The following GPC3 variants were observed in gnomAD, a reference collection of about 807,000 sequenced individuals.
GPC3 encodes glypican 3.
GPC3 carries 3 observed loss-of-function variants against 34.4 expected under a neutral mutation model. The observed-to-expected ratio is 0.09, with a 90% CI of 0.04 to 0.23. The LOEUF (loss-of-function observed/expected upper bound fraction) is 0.23. Ranked by LOEUF, GPC3 falls within the 10% of genes least tolerant of loss-of-function variation. The pLI, the probability that GPC3 is intolerant of heterozygous loss-of-function variation, is 1.00. For synonymous variants in GPC3, 177 were observed against 174.0 expected (o/e 1.02, Z -0.13); for missense variants, 351 against 445.6 (o/e 0.79, Z 1.91).
intron 7 of GPC3, among the ~76,000 whole-genome samples, chrX:133,583,519 C>A (rs7892487): frequency 9.0e-6 from 1 of 111,298 alleles, no homozygotes; most frequent in Non-Finnish European, 1.9e-5. Flanking sequence ...TGTGTGCCAC[C>A]ATGCCTGGCT....
At chrX:133,795,777 C>T (rs2075575567) in intron 2 of GPC3, among the ~76,000 whole-genome samples, 2 of 105,086 alleles carry the variant, frequency 1.9e-5, no homozygotes, top group Non-Finnish European at 4.1e-5. Context: ...TGGACTGGCC[C>T]TCTCATAAGA....
At chrX:133,752,080 C>G (rs931289580) in intron 3 of GPC3, among the ~76,000 whole-genome samples, 2 of 110,127 alleles carry the variant, frequency 1.8e-5, no homozygotes, top group Non-Finnish European at 3.8e-5. Context: ...GTTGCCCAGA[C>G]TGGTCTTGAA....
chrX:133,649,160 T>TG (rs906573168), intron 6 of GPC3, among the ~76,000 whole-genome samples: 2 of 110,597 alleles, frequency 1.8e-5, no homozygotes, highest in Non-Finnish European at 3.8e-5. Flanking sequence ...AGTGTGTAGG[T>TG]GGGGGGGATT....
chrX:133,668,203 G>A (rs1056792098), intron 5 of GPC3, among the ~76,000 whole-genome samples: 2 of 111,136 alleles, frequency 1.8e-5, no homozygotes, highest in Admixed American at 9.5e-5. Context: ...CACCATGCCC[G>A]GCCCTATTTT....
In GPC3 at chrX:133,843,813, A is replaced by G. The variant is rs1376636875; in HGVS notation, c.338-89637T>C. ...AATCTGGAAAGTTTCTGTGGCAACT[A>G]TGTAACTATGCATTTCGTGATACAA... On this transcript the variant is annotated intron_variant, in intron 2 of 7. Coordinates refer to ENST00000370818, the MANE Select transcript of GPC3 (RefSeq NM_004484.4). Among the ~76,000 whole-genome samples the G allele has an allele frequency of 4.5e-5, 5 of 112,356 alleles. 1 individual carries two copies. The South Asian group carries it at 1.1e-3, about 25-fold the overall frequency.
chrX:133,608,104 C>T (rs900761784), intron 6 of GPC3, among the ~76,000 whole-genome samples: 2 of 112,472 alleles, frequency 1.8e-5, no homozygotes, highest in Non-Finnish European at 3.8e-5. Flanking sequence ...AAAGGCTGGA[C>T]CTGAGATTGG....
chrX:133,686,235 G>A (rs769503353), intron 5 of GPC3, among the ~76,000 whole-genome samples: 1 of 111,407 alleles, frequency 9.0e-6, no homozygotes, highest in African/African-American at 3.3e-5. Context: ...TCTGGTGATA[G>A]GCTAGCATTT....
At chrX:133,864,403 G>A (rs2075956983) in intron 2 of GPC3, among the ~76,000 whole-genome samples, 1 of 111,568 alleles carries the variant, frequency 9.0e-6, no homozygotes, top group African/African-American at 3.3e-5. Context: ...TTCCTGGAAG[G>A]CTCACATTAA....
At chrX:133,772,027 A>T (rs1368573914) in intron 2 of GPC3, among the ~76,000 whole-genome samples, 3 of 111,447 alleles carry the variant, frequency 2.7e-5, no homozygotes, top group Non-Finnish European at 5.6e-5. Flanking sequence ...AAATTCCAAT[A>T]TCCCTCTTTT....
chrX:133,630,765 A>C (rs1205777152), intron 6 of GPC3, among the ~76,000 whole-genome samples: 1 of 112,003 alleles, frequency 8.9e-6, no homozygotes, highest in Non-Finnish European at 1.9e-5. Context: ...ATCTCTAGAG[A>C]CACATTCCTT....
intron 2 of GPC3, among the ~76,000 whole-genome samples, chrX:133,795,990 G>C (rs2075578110): frequency 1.1e-5 from 1 of 93,043 alleles, no homozygotes; most frequent in Non-Finnish European, 2.1e-5. Context: ...TTGTCCCCCA[G>C]GCTGGAGTGC....
intron 2 of GPC3, among the ~76,000 whole-genome samples, chrX:133,888,261 T>C (rs1449593209): frequency 9.0e-6 from 1 of 111,705 alleles, no homozygotes; most frequent in Non-Finnish European, 1.9e-5. Context: ...ACTCATCCTT[T>C]ATTATGGCTG....
At chrX:133,555,743 G>A (rs373108419) in intron 7 of GPC3, among the ~76,000 whole-genome samples, 8 of 109,462 alleles carry the variant, frequency 7.3e-5, no homozygotes, top group African/African-American at 6.7e-5. Flanking sequence ...CAGGAGAATC[G>A]CTTGAACCTG....
chrX:133,804,858 A>C (rs2124522391), intron 2 of GPC3, among the ~76,000 whole-genome samples: 1 of 111,828 alleles, frequency 8.9e-6, no homozygotes, highest in Non-Finnish European at 1.9e-5. Flanking sequence ...TAGTAAAAAT[A>C]AATAAAAGTA....
chrX:133,723,402 A>T (rs1307501049), intron 3 of GPC3, among the ~76,000 whole-genome samples: 1 of 111,700 alleles, frequency 9.0e-6, no homozygotes, highest in African/African-American at 3.3e-5. Flanking sequence ...CCCAAACTAA[A>T]TGTATTTTAA....
At chrX:133,762,605 G>GA (rs973603003) in intron 2 of GPC3, among the ~76,000 whole-genome samples, 8 of 110,656 alleles carry the variant, frequency 7.2e-5, no homozygotes, top group Admixed American at 9.6e-5. Context: ...ACAAACATAC[G>GA]AAAAAAAATG....
At chrX:133,711,080 C>T (rs949122479) in intron 3 of GPC3, among the ~76,000 whole-genome samples, 3 of 111,903 alleles carry the variant, frequency 2.7e-5, no homozygotes, top group African/African-American at 9.8e-5. Flanking sequence ...ATTGCTCAAG[C>T]CAGAAGAAAC....
chrX:133,853,350 C>A (rs1203715610), intron 2 of GPC3, among the ~76,000 whole-genome samples: 1 of 112,079 alleles, frequency 8.9e-6, no homozygotes, highest in African/African-American at 3.2e-5. Context: ...TTTCCCTAAT[C>A]TGCTCTGTTT....
At chrX:133,981,298 C>CGAAGGGA (rs2076537659) in intron 1 of GPC3, among the ~76,000 whole-genome samples, 1 of 111,639 alleles carries the variant, frequency 9.0e-6, no homozygotes, top group Non-Finnish European at 1.9e-5. Context: ...CTGTGAGCTC[C>CGAAGGGA]TTGACAAAAG....
Sources: gnomAD v4.1 joint callset for allele counts (sites outside exome capture counted in the v4.1 genomes callset) on GRCh38, gnomAD v4.1.1 for gene constraint, MANE v1.5 for transcripts, NCBI Gene and HGNC (gene_info 2026-07-23, HGNC 2026-07-21) for gene names.